NBAS: variants seen among roughly 807,000 people sequenced by gnomAD.
The protein encoded by NBAS is NAG/BC035112 fusion.
A neutral mutation model predicts 302.5 loss-of-function variants in NBAS; 219 were observed. That is an observed-to-expected ratio of 0.72 (90% CI 0.65 to 0.81). The LOEUF (loss-of-function observed/expected upper bound fraction) is 0.81. NBAS is among the 30% of genes least tolerant of loss of function. The probability of loss-of-function intolerance (pLI) is 0.00; values close to 1 mark genes in which losing one functional copy is unlikely to be tolerated. For missense variants in NBAS, 2,932 were observed against 2,841.6 expected, an observed-to-expected ratio of 1.03 and a Z score of -0.72; for synonymous variants, 1,118 against 1,021.6, an observed-to-expected ratio of 1.09 and a Z score of -1.80.
the NBAS span, among the ~76,000 whole-genome samples, chr2:15,009,984 C>G: frequency 2.3e-4 from 35 of 152,050 alleles, no homozygotes; most frequent in African/African-American, 8.0e-4. Context: ...ACAAACAAAT[C>G]GCCTCATGGG....
At chr2:15,393,954 G>T (rs1307355163) in intron 28 of NBAS, among the ~76,000 whole-genome samples, 1 of 152,058 alleles carries the variant, frequency 6.6e-6, no homozygotes, top group Non-Finnish European at 1.5e-5. Flanking sequence ...CTGATGAGGA[G>T]AAGGGAGCAC....
chr2:14,922,635 C>T, the NBAS span, among the ~76,000 whole-genome samples: 212 of 152,268 alleles, frequency 1.4e-3, 1 homozygote, highest in African/African-American at 4.7e-3. Context: ...TTTCTTTAAC[C>T]TTAATTACCT....
At chr2:15,467,439 A>AT in intron 18 of NBAS, 32 bp from the exon 19 acceptor site, 1 of 1,527,802 alleles carries the variant, frequency 6.5e-7, no homozygotes, top group Non-Finnish European at 9.1e-7. Context: ...GGCCACTTAT[A>AT]TTTACACAGA....
chr2:15,395,114 C>A (rs1320289133), intron 27 of NBAS, among the ~76,000 whole-genome samples: 1 of 151,990 alleles, frequency 6.6e-6, no homozygotes, highest in African/African-American at 2.4e-5. Context: ...GTAAATTAAG[C>A]TAAATAGTGA....
intron 38 of NBAS, among the ~76,000 whole-genome samples, chr2:15,315,843 G>C (rs78443277): frequency 6.6e-6 from 1 of 152,170 alleles, no homozygotes; most frequent in South Asian, 2.1e-4. Context: ...GGAACTGATG[G>C]GAACAGTGGA....
the NBAS span, among the ~76,000 whole-genome samples, chr2:14,923,602 G>A: frequency 2.0e-5 from 3 of 152,306 alleles, no homozygotes; most frequent in Non-Finnish European, 4.4e-5. Flanking sequence ...AGGTAGGGGT[G>A]TATCCATTAG....
At chr2:15,385,962 T>C (rs911416820) in intron 28 of NBAS, among the ~76,000 whole-genome samples, 3 of 152,166 alleles carry the variant, frequency 2.0e-5, no homozygotes, top group African/African-American at 7.2e-5. Flanking sequence ...AAAGTAGATT[T>C]TAGAGTAAAA....
chr2:14,793,661 G>A, the NBAS span, among the ~76,000 whole-genome samples: 1,516 of 152,060 alleles, frequency 1.0e-2, 65 homozygotes, highest in Admixed American at 0.072. Flanking sequence ...AGAAATGATC[G>A]ATGAAAAAAA....
intron 21 of NBAS, among the ~76,000 whole-genome samples, chr2:15,438,969 C>A: frequency 6.6e-6 from 1 of 152,132 alleles, no homozygotes; most frequent in South Asian, 2.1e-4. Flanking sequence ...TGTAGGGTAA[C>A]AGGTTTTATT....
rs1572740967 is a variant in NBAS at position 15,374,535 on chromosome 2, AAACT to A, written c.3703+69_3703+72del. 5 of 1,329,828 alleles carry A rather than the reference AAACT, an allele frequency of 3.8e-6. No homozygotes were observed. The East Asian group carries it at 1.2e-4, about 31-fold the overall frequency. The allele number at this position is 1,329,828 out of a possible 1,614,324, so 82.4% of individuals were successfully genotyped here. On this transcript the variant is annotated intron_variant, in intron 31 of 51. Coordinates refer to ENST00000281513, the MANE Select transcript of NBAS (RefSeq NM_015909.4). ...GACCAAAGCTACTCTTTAGTTTTAA[AAACT>A]AAAAAAGAATACTAGTAAATTGCTG...
the NBAS span, among the ~76,000 whole-genome samples, chr2:14,869,445 C>T: frequency 6.6e-6 from 1 of 152,218 alleles, no homozygotes; most frequent in Non-Finnish European, 1.5e-5. Flanking sequence ...ATTAAACATG[C>T]ACCCTTCACT....
intron 10 of NBAS, among the ~76,000 whole-genome samples, chr2:15,509,647 CA>C (rs779381815): frequency 1.9e-4 from 29 of 152,214 alleles, no homozygotes; most frequent in Non-Finnish European, 4.0e-4. Flanking sequence ...TTATTTTCAA[CA>C]CTAAAATCTT....
intron 32 of NBAS, among the ~76,000 whole-genome samples, chr2:15,362,564 A>T (rs913482787): frequency 3.3e-5 from 5 of 152,182 alleles, no homozygotes; most frequent in Non-Finnish European, 7.4e-5. Context: ...TAAACCTATT[A>T]TTAGAATAAC....
At chr2:15,074,227 T>C in the NBAS span, among the ~76,000 whole-genome samples, 2 of 152,120 alleles carry the variant, frequency 1.3e-5, no homozygotes, top group African/African-American at 4.8e-5. Context: ...ATCAACAGTG[T>C]TGTGACAATA....
At chr2:15,532,985 A>G (rs185911646) in intron 9 of NBAS, among the ~76,000 whole-genome samples, 56 of 152,352 alleles carry the variant, frequency 3.7e-4, no homozygotes, top group Admixed American at 1.2e-3. Context: ...CATAGATGAG[A>G]AAACATGAAT....
Position 15,536,430 on chromosome 2 carries a change from C to T in NBAS, c.635G>A (p.Ser212Asn). ...LVINYRGELR[S>N]YLVSVGTNQS... is the part of the protein sequence containing the mutation. The stretch of plus-strand genomic sequence containing the variant: ...AGCACATTTTTACCTTACAAGGTAA[C>T]TTCTAAGTTCTCCTCGGTAATTGAT... Residue 212 changes from serine (S) to asparagine (N), a missense_variant, in exon 8 of 52, where the codon AGT (serine) becomes AAT (asparagine). Coordinates refer to ENST00000281513, the MANE Select transcript of NBAS (RefSeq NM_015909.4). The T allele has an allele frequency of 6.2e-7, 1 of 1,613,174 alleles. No individual in the cohort carries two copies. Among genetic ancestry groups the T allele is most frequent in the Non-Finnish European group, 8.5e-7 (1 of 1,179,884 alleles).
chr2:15,444,311 G>T (rs560315797), intron 21 of NBAS, among the ~76,000 whole-genome samples: 8 of 152,146 alleles, frequency 5.3e-5, no homozygotes, highest in Admixed American at 5.2e-4. Context: ...CAGAGATATA[G>T]ATCAATGGAA....
intron 50 of NBAS, among the ~76,000 whole-genome samples, chr2:15,181,797 C>T (rs530733247): frequency 6.6e-6 from 1 of 152,222 alleles, no homozygotes; most frequent in Non-Finnish European, 1.5e-5. Flanking sequence ...GCCTTCTGTC[C>T]TCACACAACT....
chr2:14,888,907 A>G, the NBAS span, among the ~76,000 whole-genome samples: 1 of 152,216 alleles, frequency 6.6e-6, no homozygotes, highest in African/African-American at 2.4e-5. Context: ...TCCGTAGAGC[A>G]CGAATCACAT....
Sources: gnomAD v4.1 joint callset for allele counts (sites outside exome capture counted in the v4.1 genomes callset) on GRCh38, gnomAD v4.1.1 for gene constraint, MANE v1.5 for transcripts, NCBI Gene and HGNC (gene_info 2026-07-23, HGNC 2026-07-21) for gene names.